RAPGEF2: variants seen among roughly 807,000 people sequenced by gnomAD.
RAPGEF2 encodes the protein Rap guanine nucleotide exchange factor 2.
RAPGEF2 carries 54 observed loss-of-function variants against 186.7 expected under a neutral mutation model. The observed-to-expected ratio is 0.29, with a 90% CI of 0.23 to 0.36. RAPGEF2 has a LOEUF of 0.36. Among genes scored for constraint, RAPGEF2 ranks in the 10% least tolerant of loss-of-function variants. The probability of loss-of-function intolerance (pLI) is 1.00; values close to 1 mark genes in which losing one functional copy is unlikely to be tolerated. For synonymous variants in RAPGEF2, 712 were observed against 705.9 expected, an observed-to-expected ratio of 1.01 and a Z score of -0.14; for missense variants, 1,532 against 2,045.0, an observed-to-expected ratio of 0.75 and a Z score of 4.84.
At chr4:159,177,659 A>T (rs951409666) in intron 1 of RAPGEF2, among the ~76,000 whole-genome samples, 1 of 152,188 alleles carries the variant, frequency 6.6e-6, no homozygotes, top group Non-Finnish European at 1.5e-5. Context: ...AAAACACTGC[A>T]GCTTAACCAT....
At position 159,223,138 on chromosome 4, in the gene RAPGEF2, TA is replaced by T. The variant is rs201494861; in HGVS notation, c.281+12556del. Among the ~76,000 whole-genome samples the T allele has an allele frequency of 9.1e-3, 1,378 of 152,252 alleles. 9 individuals are homozygous for T. Among genetic ancestry groups the T allele is most frequent in the Non-Finnish European group, 0.016 (1,058 of 67,978 alleles). ...TGTGGTTTTTAAAAGGATCTGCAGT[TA>T]TTTTTTATTACCAATTAGTATTTTG... On this transcript the variant is annotated intron_variant, in intron 4 of 29. Transcript: ENST00000691494.
chr4:159,296,067 A>G (rs1184245613), intron 7 of RAPGEF2, among the ~76,000 whole-genome samples: 3 of 152,204 alleles, frequency 2.0e-5, no homozygotes, highest in South Asian at 4.1e-4. Flanking sequence ...AGGCCTGAAT[A>G]TGTGATCTCA....
At chr4:159,263,549 A>G (rs1322210723) in intron 7 of RAPGEF2, among the ~76,000 whole-genome samples, 4 of 152,174 alleles carry the variant, frequency 2.6e-5, no homozygotes, top group Admixed American at 6.5e-5. Context: ...TTTAACTATT[A>G]AGTGAAGTAA....
intron 1 of RAPGEF2, among the ~76,000 whole-genome samples, chr4:159,135,235 G>A (rs1446299195): frequency 1.3e-5 from 2 of 151,956 alleles, no homozygotes; most frequent in African/African-American, 2.4e-5. Context: ...TTGTAGAGAT[G>A]GTGTTTCACC....
At chr4:159,191,601 T>A (rs1748129886) in intron 2 of RAPGEF2, among the ~76,000 whole-genome samples, 1 of 152,040 alleles carries the variant, frequency 6.6e-6, no homozygotes, top group Non-Finnish European at 1.5e-5. Context: ...TAGCTGGGCG[T>A]GGTGGCGCGC....
intron 1 of RAPGEF2, among the ~76,000 whole-genome samples, chr4:159,133,248 A>G (rs762461883): frequency 1.3e-5 from 2 of 152,082 alleles, no homozygotes; most frequent in South Asian, 4.1e-4. Context: ...CTGACCTGCA[A>G]AATTTCTGCT....
chr4:159,300,202 TATA>T (rs1479182020), intron 7 of RAPGEF2, among the ~76,000 whole-genome samples: 2 of 142,656 alleles, frequency 1.4e-5, no homozygotes, highest in African/African-American at 2.5e-5. Context: ...CTAAAATTAA[TATA>T]ATCTGATTTA....
intron 4 of RAPGEF2, among the ~76,000 whole-genome samples, chr4:159,215,498 T>G (rs1269768140): frequency 6.6e-6 from 1 of 152,206 alleles, no homozygotes; most frequent in Admixed American, 6.5e-5. Flanking sequence ...ATTTAAGACA[T>G]GAACCATTGT....
At chr4:159,108,406 T>A (rs1738128426) in intron 1 of RAPGEF2, among the ~76,000 whole-genome samples, 1 of 150,114 alleles carries the variant, frequency 6.7e-6, no homozygotes, top group African/African-American at 2.4e-5. Flanking sequence ...TTTTTTTTTT[T>A]AAGGAGAAGA....
intron 1 of RAPGEF2, among the ~76,000 whole-genome samples, chr4:159,117,494 G>T (rs1049242041): frequency 6.6e-6 from 1 of 151,842 alleles, no homozygotes; most frequent in African/African-American, 2.4e-5. Context: ...ACATCCCATA[G>T]TTAGAGAAAA....
intron 7 of RAPGEF2, among the ~76,000 whole-genome samples, chr4:159,264,517 C>A (rs13145422): frequency 6.6e-6 from 1 of 151,946 alleles, no homozygotes; most frequent in Non-Finnish European, 1.5e-5. Flanking sequence ...GGACACGGGC[C>A]AGATGGAAGG....
intron 1 of RAPGEF2, among the ~76,000 whole-genome samples, chr4:159,172,633 T>G (rs1746031273): frequency 6.6e-6 from 1 of 152,160 alleles, no homozygotes; most frequent in Non-Finnish European, 1.5e-5. Flanking sequence ...TGTACAATTT[T>G]AAGTTGTAAT....
chr4:159,108,589 A>G (rs544740731), intron 1 of RAPGEF2, among the ~76,000 whole-genome samples: 3 of 152,088 alleles, frequency 2.0e-5, no homozygotes, highest in African/African-American at 7.2e-5. Flanking sequence ...AATTCACTGC[A>G]TTTTTTCATT....
chr4:159,152,444 TG>T (rs1414733787), intron 1 of RAPGEF2, among the ~76,000 whole-genome samples: 1 of 152,324 alleles, frequency 6.6e-6, no homozygotes, highest in Non-Finnish European at 1.5e-5. Context: ...TCTTTTGCAT[TG>T]TTTTATTTTT....
chr4:159,222,268 CT>C (rs1304495602), intron 4 of RAPGEF2, among the ~76,000 whole-genome samples: 1 of 152,166 alleles, frequency 6.6e-6, no homozygotes, highest in Non-Finnish European at 1.5e-5. Context: ...TAAATGCAGG[CT>C]TCTGTGGCCT....
chr4:159,351,458 T>G (rs762377357), intron 26 of RAPGEF2, among the ~76,000 whole-genome samples: 5 of 152,208 alleles, frequency 3.3e-5, no homozygotes, highest in Admixed American at 6.5e-5. Context: ...ATTACCAATA[T>G]GCTGAAAGAA....
Position 159,350,179 on chromosome 4 carries a change from C to G in RAPGEF2, c.3755C>G (p.Ser1252Cys). Residue 1252 changes from serine to cysteine, a missense_variant, in exon 26 of 30, where the codon TCT (serine) becomes TGT (cysteine). Ser to Cys is a moderately radical substitution (Grantham distance 112). Transcript: ENST00000691494. ...PQALKKILSL[S>C]EEGSLERHKK... Reference sequence around the variant, plus strand: ...GCTTTAAAAAAAATTCTTTCTTTGTCTGAAGAAGGAAGTTTGGAACGTCAC... The same window carrying G: ...GCTTTAAAAAAAATTCTTTCTTTGTGTGAAGAAGGAAGTTTGGAACGTCAC... 1 of 1,575,052 alleles carries G rather than the reference C, an allele frequency of 6.3e-7. No individual in the cohort carries two copies. The highest frequency in any genetic ancestry group is 8.6e-7 in the Non-Finnish European group (1 of 1,160,508).
At chr4:159,252,222 G>C (rs1389633402) in intron 7 of RAPGEF2, among the ~76,000 whole-genome samples, 1 of 152,184 alleles carries the variant, frequency 6.6e-6, no homozygotes, top group Non-Finnish European at 1.5e-5. Flanking sequence ...CAGCACACTC[G>C]TGTTTTTTGT....
At chr4:159,303,724 T>C (rs1762952032) in intron 7 of RAPGEF2, among the ~76,000 whole-genome samples, 1 of 152,072 alleles carries the variant, frequency 6.6e-6, no homozygotes, top group South Asian at 2.1e-4. Context: ...TTTATTTTAA[T>C]AGAGACTATT....
Sources: allele counts gnomAD v4.1 joint callset (sites outside exome capture counted in the v4.1 genomes callset), GRCh38; gene constraint gnomAD v4.1.1; transcripts MANE v1.5; gene names NCBI Gene and HGNC (gene_info 2026-07-23, HGNC 2026-07-21).